Variants in DCC observed in about 807,000 individuals in gnomAD.
DCC encodes the protein netrin receptor DCC.
Under a neutral mutation model 172.5 loss-of-function variants are expected in DCC, and 58 were observed. That is an observed-to-expected ratio of 0.34 (90% CI 0.27 to 0.42). The LOEUF (loss-of-function observed/expected upper bound fraction) is 0.42, where lower values mean the gene tolerates loss of function less well. Among genes scored for constraint, DCC ranks in the 10% least tolerant of loss-of-function variants. The pLI is 1.00. For missense variants in DCC, 1,740 were observed against 1,791.0 expected (o/e 0.97, Z 0.51); for synonymous variants, 709 against 644.5 (o/e 1.10, Z -1.52).
intron 3 of DCC, among the ~76,000 whole-genome samples, chr18:52,909,548 T>C (rs2039938205): frequency 6.6e-6 from 1 of 152,184 alleles, no homozygotes; most frequent in Non-Finnish European, 1.5e-5. Context: ...TAATGTAATA[T>C]ACTTATTCAA....
intron 2 of DCC, among the ~76,000 whole-genome samples, chr18:52,834,963 C>T (rs1391310653): frequency 9.2e-5 from 14 of 152,088 alleles, no homozygotes. Context: ...TTTCATGTTA[C>T]TGCTCGATAT....
intron 7 of DCC, among the ~76,000 whole-genome samples, chr18:53,138,780 G>C (rs1442944599): frequency 6.6e-6 from 1 of 152,154 alleles, no homozygotes; most frequent in Non-Finnish European, 1.5e-5. Flanking sequence ...GAATAAAGCT[G>C]CTACTCTGAT....
chr18:53,279,482 C>G (rs2056842861), intron 12 of DCC, among the ~76,000 whole-genome samples: 1 of 121,608 alleles, frequency 8.2e-6, no homozygotes, highest in Non-Finnish European at 1.6e-5. Context: ...GAACATCACA[C>G]ACTGTGGCCT....
chr18:52,865,108 T>C (rs4940219), intron 2 of DCC, among the ~76,000 whole-genome samples: 140 of 152,082 alleles, frequency 9.2e-4, no homozygotes, highest in African/African-American at 3.1e-3. Flanking sequence ...CTCGTGATCC[T>C]CCCGCCTTGG....
intron 2 of DCC, among the ~76,000 whole-genome samples, chr18:52,886,803 T>C (rs923647684): frequency 6.6e-6 from 1 of 151,918 alleles, no homozygotes; most frequent in Non-Finnish European, 1.5e-5. Context: ...TGGTGCATAG[T>C]TGGTTGTTAA....
At chr18:53,343,033 A>T (rs2057679945) in intron 15 of DCC, among the ~76,000 whole-genome samples, 1 of 151,448 alleles carries the variant, frequency 6.6e-6, no homozygotes, top group African/African-American at 2.4e-5. Flanking sequence ...CTTGTATCCT[A>T]ATATCTGCTA....
intron 14 of DCC, among the ~76,000 whole-genome samples, chr18:53,325,141 C>T (rs572496912): frequency 2.3e-4 from 32 of 136,870 alleles, no homozygotes; most frequent in Non-Finnish European, 3.3e-4. Context: ...AGCAGTGAGC[C>T]GAGATTGTGC....
intron 2 of DCC, among the ~76,000 whole-genome samples, chr18:52,773,013 TG>T (rs2037368697): frequency 6.6e-6 from 1 of 152,228 alleles, no homozygotes; most frequent in Non-Finnish European, 1.5e-5. Context: ...ATTGACTGTA[TG>T]GCTATAGCTA....
chr18:53,527,343 C>T (rs2046470306), intron 28 of DCC, among the ~76,000 whole-genome samples: 1 of 151,636 alleles, frequency 6.6e-6, no homozygotes, highest in Non-Finnish European at 1.5e-5. Flanking sequence ...CTCAATTTCC[C>T]AAGTAGCTAA....
intron 1 of DCC, among the ~76,000 whole-genome samples, chr18:52,612,965 C>T (rs1015932684): frequency 6.6e-6 from 1 of 152,120 alleles, no homozygotes; most frequent in African/African-American, 2.4e-5. Flanking sequence ...TCGTCTTTTG[C>T]TTTGTTGCTA....
intron 22 of DCC, 75 bp downstream of exon 22, chr18:53,435,284 T>A (rs1182428126): frequency 2.1e-6 from 2 of 967,676 alleles, no homozygotes; most frequent in East Asian, 4.8e-5. Flanking sequence ...CTGGGGCAAA[T>A]TTTCTATCAA....
At chr18:52,586,082 C>CAAAAAAA (rs5824949) in intron 1 of DCC, among the ~76,000 whole-genome samples, 3 of 73,226 alleles carry the variant, frequency 4.1e-5, no homozygotes, top group African/African-American at 5.6e-5. Flanking sequence ...GACTCCGTCT[C>CAAAAAAA]AAAAAAAAAA....
At chr18:52,416,047 T>C (rs1052519379) in intron 1 of DCC, among the ~76,000 whole-genome samples, 19 of 152,218 alleles carry the variant, frequency 1.2e-4, no homozygotes, top group Non-Finnish European at 2.1e-4. Context: ...GCTTTGAATG[T>C]GTCCCAGAGA....
chr18:52,658,439 G>A (rs1437400394), intron 1 of DCC, among the ~76,000 whole-genome samples: 1 of 151,834 alleles, frequency 6.6e-6, no homozygotes, highest in East Asian at 1.9e-4. Context: ...ATAACCCTGG[G>A]CACATTATGG....
intron 15 of DCC, among the ~76,000 whole-genome samples, chr18:53,350,552 G>A (rs1207130754): frequency 3.3e-5 from 5 of 152,030 alleles, no homozygotes; most frequent in African/African-American, 7.2e-5. Context: ...CTTAATCTGA[G>A]TGTAGATCCA....
chr18:53,465,572 T>C (rs1053127359), intron 24 of DCC, among the ~76,000 whole-genome samples: 9 of 152,168 alleles, frequency 5.9e-5, no homozygotes, highest in African/African-American at 2.2e-4. Context: ...TCTTTGGTTT[T>C]ATCCTGTTCG....
At chr18:52,967,254 C>A (rs1247344857) in intron 5 of DCC, among the ~76,000 whole-genome samples, 2 of 152,110 alleles carry the variant, frequency 1.3e-5, no homozygotes, top group Non-Finnish European at 2.9e-5. Context: ...ACTTCATGGC[C>A]TCATTCTTTT....
At chr18:52,505,374 G>A (rs1452864283) in intron 1 of DCC, among the ~76,000 whole-genome samples, 1 of 152,150 alleles carries the variant, frequency 6.6e-6, no homozygotes, top group Admixed American at 6.6e-5. Flanking sequence ...AGAAGGTAAT[G>A]GAATTGCCCA....
At chr18:53,065,365 T>A (rs950109747) in intron 6 of DCC, among the ~76,000 whole-genome samples, 1 of 152,172 alleles carries the variant, frequency 6.6e-6, no homozygotes, top group African/African-American at 2.4e-5. Context: ...GATCATTTTA[T>A]CATCCATCCT....
Sources: gnomAD v4.1 joint callset for allele counts (sites outside exome capture counted in the v4.1 genomes callset) on GRCh38, gnomAD v4.1.1 for gene constraint, MANE v1.5 for transcripts, NCBI Gene and HGNC (gene_info 2026-07-23, HGNC 2026-07-21) for gene names.